Variants in STAB1 observed in about 807,000 individuals in gnomAD.
STAB1 encodes stabilin-1.
A neutral mutation model predicts 332.4 loss-of-function variants in STAB1; 250 were observed. The observed-to-expected ratio is 0.75, with a 90% CI of 0.68 to 0.84. The LOEUF (loss-of-function observed/expected upper bound fraction) is 0.84, where lower values mean the gene tolerates loss of function less well. Among genes scored for constraint, STAB1 ranks in the 40% least tolerant of loss-of-function variants. The pLI is 0.00. For missense variants in STAB1, 3,249 were observed against 3,489.7 expected, an observed-to-expected ratio of 0.93 and a Z score of 1.74; for synonymous variants, 1,475 against 1,390.4, an observed-to-expected ratio of 1.06 and a Z score of -1.35.
intron 17 of STAB1, 51 bp downstream of exon 17, chr3:52,506,301 GC>G: frequency 1.3e-6 from 2 of 1,505,948 alleles, no homozygotes; most frequent in Non-Finnish European, 1.8e-6. Flanking sequence ...GTGACCAGCT[GC>G]CCACTTGGCC....
chr3:52,506,185 C>T lies in STAB1; in HGVS notation c.1765C>T (p.Leu589Phe), dbSNP rs1384294561. 5.6e-6 allele frequency: 9 copies of T among 1,612,222 alleles called. No homozygotes were observed. The highest frequency in any genetic ancestry group is 7.6e-6 in the Non-Finnish European group (9 of 1,179,474). ...CTTGCCCCAGCTGACCGTTGAGAAG[C>T]TCATCTCCAAGGGTCGGATCCTCAC... ...YNHGQLTVEKLISKGRILTMA... is the reference protein window; with the variant it reads ...YNHGQLTVEKFISKGRILTMA... The change falls in exon 17 of 69, where the codon CTC becomes TTC. Residue 589 changes from leucine (L) to phenylalanine (F), a missense_variant. Coordinates refer to ENST00000321725, the MANE Select transcript of STAB1 (RefSeq NM_015136.3).
intron 14 of STAB1, 82 bp from the exon 15 acceptor site, chr3:52,505,586 G>T: frequency 7.0e-7 from 1 of 1,421,052 alleles, no homozygotes. Flanking sequence ...TTTCCTGCAG[G>T]CCAAAGGTGG....
chr3:52,506,458 G>A (rs1427961002), intron 17 of STAB1, among the ~76,000 whole-genome samples: 1 of 152,248 alleles, frequency 6.6e-6, no homozygotes, highest in Non-Finnish European at 1.5e-5. Context: ...AAGGAGCATG[G>A]AGCACACGGT....
At position 52,512,402 on chromosome 3, in the gene STAB1, G is replaced by A. The variant is rs1034164640; in HGVS notation, c.2945G>A (p.Gly982Asp). Residue 982 changes from glycine (G) to aspartate (D), a missense_variant, in exon 27 of 69, where the codon GGT becomes GAT. By Grantham distance (94) the Gly-to-Asp change is moderately conservative (BLOSUM62 -1). Coordinates refer to ENST00000321725, the MANE Select transcript of STAB1 (RefSeq NM_015136.3). Reference sequence around the variant, plus strand: ...TGCACGTGCCCCCCTGGCTTTGGGGGTGATGGCTTCAGCTGTTATGGAGAC... The same window carrying A: ...TGCACGTGCCCCCCTGGCTTTGGGGATGATGGCTTCAGCTGTTATGGAGAC... ...RVCTCPPGFG[G>D]DGFSCYGDIF... 8 of 1,610,544 alleles carry A rather than the reference G, an allele frequency of 5.0e-6. No homozygotes were observed. The highest frequency in any genetic ancestry group is 1.1e-5 in the South Asian group (1 of 90,754).
chr3:52,518,547 G>A lies in STAB1; in HGVS notation c.4821G>A (p.Glu1607=). 2 of 1,590,406 alleles carry A rather than the reference G, an allele frequency of 1.3e-6. No homozygotes were observed. The highest frequency in any genetic ancestry group is 1.7e-6 in the Non-Finnish European group (2 of 1,168,106). ...FFSLRLLEYK[E]LKGDGPFTIF... ...GCTGCCTCCCGCAGGAATATAAGGAGCTCAAGGGCGATGGGCCTTTCACCA... is the reference window on the plus strand; with the variant it reads ...GCTGCCTCCCGCAGGAATATAAGGAACTCAAGGGCGATGGGCCTTTCACCA... Residue 1607 remains glutamate, a synonymous_variant, in exon 47 of 69, where the codon GAG becomes GAA. Coordinates refer to ENST00000321725, the MANE Select transcript of STAB1 (RefSeq NM_015136.3).
In STAB1 at chr3:52,513,741, G is replaced by A. The variant is rs373503945; in HGVS notation, c.3295G>A (p.Val1099Met). ...SGRVWVQNAS[V>M]DVADLLATNG... ...GAGGGTCTGGGTGCAGAATGCCAGC[G>A]TGGATGTGGCTGACCTCCTTGCCAC... The change falls in exon 31 of 69, where the codon GTG (valine) becomes ATG (methionine). Residue 1099 changes from valine (V) to methionine (M), a missense_variant. By Grantham distance (21) the Val-to-Met change is conservative. Coordinates refer to ENST00000321725, the MANE Select transcript of STAB1 (RefSeq NM_015136.3). The A allele has an allele frequency of 2.5e-5, 41 of 1,613,470 alleles. No individual in the cohort carries two copies. Among genetic ancestry groups the A allele is most frequent in the Admixed American group, 8.3e-5 (5 of 60,022 alleles).
At chr3:52,517,423 T>A in intron 43 of STAB1, 30 bp downstream of exon 43, 1 of 1,583,108 alleles carries the variant, frequency 6.3e-7, no homozygotes, top group Non-Finnish European at 8.6e-7. Context: ...ACATGGGGCA[T>A]CATGCCATGC....
intron 20 of STAB1, 52 bp downstream of exon 20, chr3:52,508,078 C>G: frequency 6.4e-7 from 1 of 1,571,652 alleles, no homozygotes; most frequent in Non-Finnish European, 8.7e-7. Context: ...ACCTGCTGTT[C>G]CTCGGGGGCC....
At chr3:52,513,017 C>G (rs2153233604) in intron 29 of STAB1, 59 bp downstream of exon 29, 1 of 1,580,638 alleles carries the variant, frequency 6.3e-7, no homozygotes, top group African/African-American at 1.4e-5. Context: ...AGTCCCTCCC[C>G]AGCGAGTCCT....
chr3:52,518,435 G>T (rs1362801444), intron 46 of STAB1, 76 bp downstream of exon 46: 1 of 1,575,270 alleles, frequency 6.3e-7, no homozygotes, highest in African/African-American at 1.3e-5. Context: ...CTGGTCAGGG[G>T]GTTGGCTGGT....
Position 52,516,210 on chromosome 3 carries a change from G to A in STAB1, c.4116G>A (p.Leu1372=). 6.2e-7 allele frequency: 1 copy of A among 1,612,342 alleles called. No individual in the cohort carries two copies. The highest frequency in any genetic ancestry group is 8.5e-7 in the Non-Finnish European group (1 of 1,179,794). The part of the protein sequence containing the change: ...FHGTACEVCE[L]GRYGPNCTGV... ...GAACGGCCTGTGAGGTGTGTGAGCT[G>A]GGCCGCTACGGGCCCAACTGCACCG... Residue 1372 remains leucine (L), a synonymous_variant, in exon 38 of 69, where the codon CTG becomes CTA. Transcript: ENST00000321725.
Position 52,518,779 on chromosome 3 carries a change from TGGCTGTC to T in STAB1, c.4948_4954del (p.Cys1650GlyfsTer39). 1 of 1,612,436 alleles carries T rather than the reference TGGCTGTC, an allele frequency of 6.2e-7. No homozygotes were observed. Among genetic ancestry groups the T allele is most frequent in the Non-Finnish European group, 8.5e-7 (1 of 1,179,802 alleles). The stretch of plus-strand genomic sequence containing the variant: ...AGCTGGTGTTTCGCTACCACGTGGT[TGGCTGTC>T]GGCGGCTGCGGAGCGAGGACCTGCT... On this transcript the variant is annotated frameshift_variant, in exon 48 of 69. Coordinates refer to ENST00000321725, the MANE Select transcript of STAB1 (RefSeq NM_015136.3). LOFTEE classifies it high-confidence loss of function.
Position 52,509,231 on chromosome 3 carries a change from A to G in STAB1, c.2257A>G (p.Asn753Asp), listed in dbSNP as rs144566367. The G allele has an allele frequency of 2.4e-5, 38 of 1,613,498 alleles. No individual in the cohort carries two copies. The highest frequency in any genetic ancestry group is 3.2e-5 in the Non-Finnish European group (38 of 1,179,964). ...CTAGTGCAGTGATGGGATCCAGGGC[A>G]ATGGGGCCTGCCTCTGCTTCCCAGA... Reference protein sequence around the residue: ...KGNCSDGIQGNGACLCFPDYK... With the variant: ...KGNCSDGIQGDGACLCFPDYK... The change falls in exon 22 of 69, where the codon AAT becomes GAT. Residue 753 changes from asparagine (N) to aspartate (D), a missense_variant. Transcript: ENST00000321725.
chr3:52,501,571 T>TG, intron 2 of STAB1, 67 bp from the exon 3 acceptor site: 2 of 1,425,700 alleles, frequency 1.4e-6, no homozygotes, highest in Non-Finnish European at 1.9e-6. Context: ...GAAGCCAATG[T>TG]GGGGAGGCTG....
At position 52,524,342 on chromosome 3, in the gene STAB1, C is replaced by T; in HGVS notation, c.7699C>T (p.Leu2567Phe). Reference protein sequence around the residue: ...EEDFPDTQRILTVK With the variant: ...EEDFPDTQRIFTVK Reference sequence around the variant, plus strand: ...GGACTTCCCTGACACCCAGAGGATCCTCACAGTCAAGTGACGAGGCTGGGG... The same window carrying T: ...GGACTTCCCTGACACCCAGAGGATCTTCACAGTCAAGTGACGAGGCTGGGG... Residue 2567 changes from leucine to phenylalanine, a missense_variant, in exon 69 of 69, where the codon CTC becomes TTC. Leu to Phe is a conservative substitution (Grantham distance 22). Coordinates refer to ENST00000321725, the MANE Select transcript of STAB1 (RefSeq NM_015136.3). 6.2e-7 allele frequency: 1 copy of T among 1,613,854 alleles called. No homozygotes were observed. The highest frequency in any genetic ancestry group is 8.5e-7 in the Non-Finnish European group (1 of 1,180,018).
rs1367984075 is a variant in STAB1 at position 52,501,167 on chromosome 3, T to G, written c.80T>G (p.Val27Gly). 1.2e-5 allele frequency: 19 copies of G among 1,612,408 alleles called. No individual in the cohort carries two copies. The highest frequency in any genetic ancestry group is 1.5e-5 in the Non-Finnish European group (18 of 1,179,102). Reference protein sequence around the residue: ...LAGFSFVRGQVLFKGCDVKTT... With the variant: ...LAGFSFVRGQGLFKGCDVKTT... Reference sequence around the variant, plus strand: ...ACCACACCCTGCCTGTGGCCCCAGGTGCTGTTCAAAGGCTGTGATGTGAAA... The same window carrying G: ...ACCACACCCTGCCTGTGGCCCCAGGGGCTGTTCAAAGGCTGTGATGTGAAA... Residue 27 changes from valine (V) to glycine (G), a missense_variant and splice_region_variant, in exon 2 of 69, where the codon GTG becomes GGG. By Grantham distance (109) the Val-to-Gly change is moderately radical. Coordinates refer to ENST00000321725, the MANE Select transcript of STAB1 (RefSeq NM_015136.3).
Position 52,514,228 on chromosome 3 carries a change from A to G in STAB1, c.3546+15A>G, listed in dbSNP as rs375915982. On this transcript the variant is annotated intron_variant, in intron 33 of 68. Transcript: ENST00000321725. ...GCAGTCACCTGGTGAGGCCGTGGGG[A>G]TGGGGCAATGGCAGGGAGGGCAAAG... The G allele has an allele frequency of 1.9e-5, 30 of 1,612,294 alleles. No homozygotes were observed. The highest frequency in any genetic ancestry group is 2.3e-5 in the Non-Finnish European group (27 of 1,179,718).
chr3:52,503,281 G>A, intron 7 of STAB1, 63 bp from the exon 8 acceptor site: 1 of 1,547,328 alleles, frequency 6.5e-7, no homozygotes. Flanking sequence ...CCTGGTGAAA[G>A]CTGTGGCGGA....
At chr3:52,510,279 G>A in intron 24 of STAB1, 44 bp downstream of exon 24, 1 of 1,614,006 alleles carries the variant, frequency 6.2e-7, no homozygotes, top group Non-Finnish European at 8.5e-7. Flanking sequence ...CCCAGAGGCA[G>A]GAGGTGGGAT....
Sources: gnomAD v4.1 joint callset for allele counts (sites outside exome capture counted in the v4.1 genomes callset) on GRCh38, gnomAD v4.1.1 for gene constraint, MANE v1.5 for transcripts, NCBI Gene and HGNC (gene_info 2026-07-23, HGNC 2026-07-21) for gene names.